The following ATP6V1H variants were observed in gnomAD, a reference collection of about 807,000 sequenced individuals.
ATP6V1H encodes V-type proton ATPase subunit H.
ATP6V1H carries 39 observed loss-of-function variants against 71.7 expected under a neutral mutation model. The observed-to-expected ratio is 0.54, with a 90% CI of 0.42 to 0.71. The LOEUF is 0.71. ATP6V1H is among the 30% of genes least tolerant of loss of function. The pLI, the probability that ATP6V1H is intolerant of heterozygous loss-of-function variation, is 0.00. For missense variants in ATP6V1H, 509 were observed against 594.9 expected, an observed-to-expected ratio of 0.86 and a Z score of 1.50; for synonymous variants, 192 against 199.3, an observed-to-expected ratio of 0.96 and a Z score of 0.31.
chr8:53,835,744 TTCTG>T (rs1248068428), intron 2 of ATP6V1H, among the ~76,000 whole-genome samples: 3 of 152,166 alleles, frequency 2.0e-5, no homozygotes, highest in Admixed American at 2.0e-4. Flanking sequence ...CAAAGGAGAA[TTCTG>T]TCTTTCTAGA....
chr8:53,779,469 TTGTCTCCTTTAC>T (rs1399759635), intron 9 of ATP6V1H, among the ~76,000 whole-genome samples: 12 of 151,062 alleles, frequency 7.9e-5, no homozygotes, highest in African/African-American at 2.7e-4. Context: ...TATTACATGC[TTGTCTCCTTTAC>T]TAAAGTGTGA....
chr8:53,732,958 T>C (rs974420356), intron 13 of ATP6V1H, among the ~76,000 whole-genome samples: 1 of 152,180 alleles, frequency 6.6e-6, no homozygotes, highest in African/African-American at 2.4e-5. Context: ...AATCTGGCCG[T>C]GCTCGAGCTA....
At position 53,772,075 on chromosome 8, in the gene ATP6V1H, C is replaced by G; in HGVS notation, c.963G>C (p.Leu321Phe). Residue 321 changes from leucine (L) to phenylalanine (F), a missense_variant, in exon 10 of 14, where the codon TTG becomes TTC. Leu to Phe is a conservative substitution (Grantham distance 22, BLOSUM62 0). Coordinates refer to ENST00000359530, the MANE Select transcript of ATP6V1H (RefSeq NM_015941.4). ...CTTCATCATCGTACTTCTGCTGTTC[C>G]AAGTTCTCCAACTGTTTCAGAACTT... Reference protein sequence around the residue: ...QCKVLKQLENLEQQKYDDEDI... With the variant: ...QCKVLKQLENFEQQKYDDEDI... The G allele has an allele frequency of 6.2e-7, 1 of 1,614,026 alleles. No homozygotes were observed. Among genetic ancestry groups the G allele is most frequent in the Non-Finnish European group, 8.5e-7 (1 of 1,179,912 alleles).
chr8:53,777,154 C>T (rs1328246209), intron 9 of ATP6V1H, among the ~76,000 whole-genome samples: 3 of 152,110 alleles, frequency 2.0e-5, no homozygotes, highest in Non-Finnish European at 4.4e-5. Context: ...CAAATGTATA[C>T]CTGAAAATAT....
At chr8:53,803,074 C>T (rs902503767) in intron 7 of ATP6V1H, among the ~76,000 whole-genome samples, 4 of 152,118 alleles carry the variant, frequency 2.6e-5, no homozygotes, top group Admixed American at 1.3e-4. Flanking sequence ...CGGTGGCTCA[C>T]GCCTGTGATC....
chr8:53,764,370 GTAA>G (rs1401397244), intron 11 of ATP6V1H, among the ~76,000 whole-genome samples: 1 of 152,118 alleles, frequency 6.6e-6, no homozygotes, highest in Non-Finnish European at 1.5e-5. Flanking sequence ...CAAGGCTAGC[GTAA>G]TATTTGAGAA....
Position 53,816,790 on chromosome 8 carries a change from G to A in ATP6V1H, c.420+627C>T, listed in dbSNP as rs147400029. On this transcript the variant is annotated intron_variant, in intron 5 of 13. Coordinates refer to ENST00000359530, the MANE Select transcript of ATP6V1H (RefSeq NM_015941.4). ...CAGTCTGGCAACAGAGTGAGACCCCGTCTCAAAAAAAAAACCAGAGTGTAT... is the reference window on the plus strand; with the variant it reads ...CAGTCTGGCAACAGAGTGAGACCCCATCTCAAAAAAAAAACCAGAGTGTAT... Among the ~76,000 whole-genome samples, 342 of 151,266 alleles carry A rather than the reference G, an allele frequency of 2.3e-3. 2 individuals are homozygous for A. The highest frequency in any genetic ancestry group is 7.8e-3 in the African/African-American group (323 of 41,238).
chr8:53,752,065 A>G (rs1289512702), intron 12 of ATP6V1H, among the ~76,000 whole-genome samples: 1 of 152,210 alleles, frequency 6.6e-6, no homozygotes, highest in African/African-American at 2.4e-5. Context: ...TAAGTTCCAA[A>G]TATCAACCTC....
chr8:53,763,935 A>G (rs773020570), intron 11 of ATP6V1H, among the ~76,000 whole-genome samples: 10 of 152,248 alleles, frequency 6.6e-5, no homozygotes, highest in Non-Finnish European at 1.3e-4. Context: ...AAAAACCCCA[A>G]GGAGTCCAGT....
chr8:53,726,926 C>A (rs1232989784), intron 13 of ATP6V1H, among the ~76,000 whole-genome samples: 1 of 152,204 alleles, frequency 6.6e-6, no homozygotes, highest in Non-Finnish European at 1.5e-5. Flanking sequence ...TGGACCATAA[C>A]AAGTCAAATC....
At chr8:53,757,544 C>T (rs1808116695) in intron 11 of ATP6V1H, among the ~76,000 whole-genome samples, 1 of 152,212 alleles carries the variant, frequency 6.6e-6, no homozygotes, top group South Asian at 2.1e-4. Context: ...ATTCTAAAAG[C>T]AGAGCGTAAC....
chr8:53,756,836 C>G (rs1015709149), intron 11 of ATP6V1H, among the ~76,000 whole-genome samples, 180 bp from the exon 12 acceptor site: 4 of 152,176 alleles, frequency 2.6e-5, no homozygotes, highest in African/African-American at 9.7e-5. Context: ...ACATATATAA[C>G]AAGTTTCTTT....
chr8:53,751,608 G>C (rs1050237625), intron 12 of ATP6V1H, among the ~76,000 whole-genome samples: 1 of 151,880 alleles, frequency 6.6e-6, no homozygotes, highest in African/African-American at 2.4e-5. Flanking sequence ...AATGGTCACT[G>C]TTAGCTTTAC....
At chr8:53,828,099 G>A (rs534647812) in intron 4 of ATP6V1H, among the ~76,000 whole-genome samples, 4 of 152,292 alleles carry the variant, frequency 2.6e-5, no homozygotes, top group South Asian at 2.1e-4. Flanking sequence ...ACAGTAGGAC[G>A]ATTTCTATTC....
At chr8:53,730,117 G>C (rs944788212) in intron 13 of ATP6V1H, among the ~76,000 whole-genome samples, 1 of 152,158 alleles carries the variant, frequency 6.6e-6, no homozygotes, top group African/African-American at 2.4e-5. Context: ...TAGAAACCAC[G>C]CAAGAATGGG....
chr8:53,730,830 C>T (rs544714985), intron 13 of ATP6V1H, among the ~76,000 whole-genome samples: 1 of 152,128 alleles, frequency 6.6e-6, no homozygotes, highest in Non-Finnish European at 1.5e-5. Context: ...CCACCTCAAC[C>T]AGGAGGACGA....
At chr8:53,832,888 T>A in intron 3 of ATP6V1H, 96 bp downstream of exon 3, 2 of 745,476 alleles carry the variant, frequency 2.7e-6, no homozygotes, top group South Asian at 3.8e-5. Context: ...CTTTCCAAAT[T>A]AGCAAGAAAA....
At chr8:53,806,424 T>A (rs1267116939) in intron 7 of ATP6V1H, among the ~76,000 whole-genome samples, 1 of 152,074 alleles carries the variant, frequency 6.6e-6, no homozygotes, top group East Asian at 1.9e-4. Context: ...TCATAAAATA[T>A]CTAAATGAAG....
chr8:53,725,830 A>G (rs1478093162), intron 13 of ATP6V1H, among the ~76,000 whole-genome samples: 1 of 152,072 alleles, frequency 6.6e-6, no homozygotes, highest in Admixed American at 6.6e-5. Flanking sequence ...ACTTGCTTGT[A>G]TGTTCTCCTT....
Sources: allele counts gnomAD v4.1 joint callset (sites outside exome capture counted in the v4.1 genomes callset), GRCh38; gene constraint gnomAD v4.1.1; transcripts MANE v1.5; gene names NCBI Gene and HGNC (gene_info 2026-07-23, HGNC 2026-07-21).